TEX15: variants seen among roughly 807,000 people sequenced by gnomAD.
TEX15 encodes testis expressed 15, meiosis and synapsis associated, also known as testis-expressed protein 15.
Under a neutral mutation model 237.3 loss-of-function variants are expected in TEX15, and 171 were observed. The ratio of observed to expected loss-of-function variants is 0.72; its 90% CI spans 0.64 to 0.82. The LOEUF (loss-of-function observed/expected upper bound fraction) is 0.82, where lower values mean the gene tolerates loss of function less well. Among genes scored for constraint, TEX15 ranks in the 40% least tolerant of loss-of-function variants. The probability of loss-of-function intolerance (pLI) is 0.00; values close to 1 mark genes in which losing one functional copy is unlikely to be tolerated. For missense variants in TEX15, 3,750 were observed against 3,646.5 expected (o/e 1.03, Z -0.73); for synonymous variants, 1,338 against 1,269.8 (o/e 1.05, Z -1.14).
intron 1 of TEX15, among the ~76,000 whole-genome samples, chr8:30,905,313 C>CA (rs2128779785): frequency 6.6e-6 from 1 of 151,528 alleles, no homozygotes; most frequent in South Asian, 2.1e-4. Context: ...ATTGAGTCCC[C>CA]AGGAGAAATA....
At position 30,844,952 on chromosome 8, in the gene TEX15, T is replaced by G. The variant is rs1199059276; in HGVS notation, c.5215A>C (p.Lys1739Gln). 6.2e-7 allele frequency: 1 copy of G among 1,613,470 alleles called. No homozygotes were observed. The highest frequency in any genetic ancestry group is 1.7e-5 in the Admixed American group (1 of 59,976). ...GAATCTACAGTAAGAATTCTCTGCT[T>G]ATCCAAGTAAGATTTTGAAGATTCT... is the stretch of plus-strand genomic sequence containing the variant. ...EGESSKSYLD[K>Q]QRILTVDSFA... Residue 1739 changes from lysine to glutamine, a missense_variant, in exon 8 of 11, where the codon AAG becomes CAG. Physicochemically the swap from Lys to Gln is moderately conservative, Grantham distance 53 (BLOSUM62 1). Transcript: ENST00000643185.
intron 1 of TEX15, among the ~76,000 whole-genome samples, chr8:30,901,489 A>C (rs1326389641): frequency 6.6e-6 from 1 of 152,230 alleles, no homozygotes; most frequent in East Asian, 1.9e-4. Flanking sequence ...CCAAGTGACA[A>C]GGAGTCAAGT....
At position 30,842,708 on chromosome 8, in the gene TEX15, G is replaced by T; in HGVS notation, c.7459C>A (p.Gln2487Lys). 6.2e-7 allele frequency: 1 copy of T among 1,613,298 alleles called. No homozygotes were observed. Among genetic ancestry groups the T allele is most frequent in the African/African-American group, 1.3e-5 (1 of 75,040 alleles). The change falls in exon 8 of 11, where the codon CAG becomes AAG. Residue 2487 changes from glutamine (Q) to lysine (K), a missense_variant. Gln to Lys is a moderately conservative substitution (Grantham distance 53, BLOSUM62 1). Transcript: ENST00000643185. ...AAAGAAGCCATTTTTTCTTGGCACT[G>T]AACCAGCTCAGGAAGAAGTGACAAA... The part of the protein sequence containing the change: ...FDLSLLPELV[Q>K]CQEKMASFSF...
intron 1 of TEX15, 68 bp downstream of exon 1, chr8:30,912,811 T>G (rs1224632113): frequency 6.6e-6 from 1 of 152,264 alleles, no homozygotes; most frequent in Non-Finnish European, 1.5e-5. Flanking sequence ...CACTCCTTAA[T>G]TTTAATTTAC....
At chr8:30,894,385 ATTT>A (rs1201221347) in intron 2 of TEX15, among the ~76,000 whole-genome samples, 2 of 152,106 alleles carry the variant, frequency 1.3e-5, no homozygotes, top group Non-Finnish European at 2.9e-5. Flanking sequence ...CAATTCTCCT[ATTT>A]TTGTGTGTGT....
In TEX15 at chr8:30,897,824, C is replaced by T. The variant is rs139491686; in HGVS notation, c.-10+918G>A. 6.6e-4 allele frequency among the ~76,000 whole-genome samples: 100 copies of T among 152,164 alleles called. 1 individual carries two copies. In the East Asian group the frequency reaches 0.018, roughly 28 times the overall value. ...TGCAAGCACATGCCACCTCACCAGA[C>T]TAATTTTTTATTTTATTTTTTGAGA... On this transcript the variant is annotated intron_variant, in intron 2 of 10. Transcript: ENST00000643185.
At chr8:30,901,366 C>T (rs117440775) in intron 1 of TEX15, among the ~76,000 whole-genome samples, 3,189 of 152,186 alleles carry the variant, frequency 0.021, 50 homozygotes, top group Non-Finnish European at 0.033. Context: ...CTTAAAACCA[C>T]TTGTTTAGCA....
At position 30,833,130 on chromosome 8, in the gene TEX15, G is replaced by A. The variant is rs2128765391; in HGVS notation, c.*156C>T. The A allele has an allele frequency of 1.7e-6, 1 of 574,374 alleles. No homozygotes were observed. Among genetic ancestry groups the A allele is most frequent in the South Asian group, 2.6e-5 (1 of 38,590 alleles). The allele number at this position is 574,374 out of a possible 1,614,324, so 35.6% of individuals were successfully genotyped here. On this transcript the variant is annotated 3_prime_UTR_variant, in exon 11 of 11. Transcript: ENST00000643185. ...TAGAAATTGATGTCCTATATGATATGTGTTAGATTATTTGTATATTTTACA... is the reference window on the plus strand; with the variant it reads ...TAGAAATTGATGTCCTATATGATATATGTTAGATTATTTGTATATTTTACA...
In TEX15 at chr8:30,847,411, G is replaced by T. The variant is rs1254746002; in HGVS notation, c.2756C>A (p.Ser919Tyr). 2 of 1,612,214 alleles carry T rather than the reference G, an allele frequency of 1.2e-6. No homozygotes were observed. The highest frequency in any genetic ancestry group is 1.7e-6 in the Non-Finnish European group (2 of 1,179,532). ...TCTGCAAATCAAGTTAAATTTAGTA[G>T]AAAATTCTTCAGAACTCAAAATTTC... ...NIEILSSEEF[S>Y]TKFNLICRED... is the part of the protein sequence containing the mutation. The change falls in exon 8 of 11, where the codon TCT becomes TAT. Residue 919 changes from serine to tyrosine, a missense_variant. Transcript: ENST00000643185.
chr8:30,876,200 A>C (rs564477934), intron 3 of TEX15, among the ~76,000 whole-genome samples: 1 of 152,298 alleles, frequency 6.6e-6, no homozygotes, highest in South Asian at 2.1e-4. Context: ...CAATCTCATC[A>C]GTTTTGAAAA....
chr8:30,889,417 ACTCCAGC>A (rs1808735458), intron 2 of TEX15, among the ~76,000 whole-genome samples: 1 of 152,082 alleles, frequency 6.6e-6, no homozygotes, highest in South Asian at 2.1e-4. Flanking sequence ...GCACCATTGC[ACTCCAGC>A]CTGGGAAACA....
At chr8:30,882,017 CCTT>C (rs1445877838) in intron 3 of TEX15, among the ~76,000 whole-genome samples, 2 of 152,168 alleles carry the variant, frequency 1.3e-5, no homozygotes, top group Non-Finnish European at 2.9e-5. Context: ...CTATGAACTT[CCTT>C]GTTAGCAATG....
At chr8:30,854,259 CAA>C (rs1159366706) in intron 7 of TEX15, among the ~76,000 whole-genome samples, 10 of 64,970 alleles carry the variant, frequency 1.5e-4, no homozygotes, top group Non-Finnish European at 1.7e-4. Flanking sequence ...CCTGACTGAC[CAA>C]AAAAAAAAAA....
At chr8:30,874,888 G>C (rs1283219931) in intron 4 of TEX15, 49 bp downstream of exon 4, 11 of 1,147,274 alleles carry the variant, frequency 9.6e-6, no homozygotes, top group African/African-American at 1.6e-5. Context: ...AAACTCCATA[G>C]TAACAAACAC....
chr8:30,855,438 T>A (rs1443456905), intron 7 of TEX15, among the ~76,000 whole-genome samples: 1 of 152,076 alleles, frequency 6.6e-6, no homozygotes, highest in African/African-American at 2.4e-5. Flanking sequence ...AATAAAAAAG[T>A]CAAATAAGTT....
chr8:30,870,516 G>A (rs1290584309), intron 4 of TEX15, among the ~76,000 whole-genome samples: 2 of 151,892 alleles, frequency 1.3e-5, no homozygotes, highest in Admixed American at 6.6e-5. Flanking sequence ...GTGGGGGGTC[G>A]CCTAAAGTAG....
chr8:30,874,978 C>A lies in TEX15; in HGVS notation c.261G>T (p.Leu87=), dbSNP rs929917. The change falls in exon 4 of 11, where the codon CTG becomes CTT. Residue 87 remains leucine (L), a synonymous_variant. Coordinates refer to ENST00000643185, the MANE Select transcript of TEX15 (RefSeq NM_001350162.2). ...QSLWQFGDTK[L]VHNEELEKNF... ...TTTTTTCCAGTTCCTCATTGTGAAC[C>A]AGTTTTGTATCCCCAAACTGCCATA... is the stretch of plus-strand genomic sequence containing the variant. The A allele has an allele frequency of 0.058, 79,029 of 1,369,114 alleles. 3,110 individuals are homozygous for A. The highest frequency in any genetic ancestry group is 0.22 in the Admixed American group (7,452 of 33,446). 84.8% of individuals were successfully genotyped at this position (1,369,114 alleles called of 1,614,324 possible). A position where few individuals can be genotyped will look rare whatever the true frequency, so the allele number is the denominator to read the frequency against.
intron 7 of TEX15, among the ~76,000 whole-genome samples, chr8:30,850,023 A>G (rs963131046): frequency 6.6e-6 from 1 of 152,090 alleles, no homozygotes; most frequent in Non-Finnish European, 1.5e-5. Flanking sequence ...ATGTACATAT[A>G]AGAAGGCAAA....
At position 30,837,910 on chromosome 8, in the gene TEX15, C is replaced by A. The variant is rs1337970219; in HGVS notation, c.8374G>T (p.Ala2792Ser). 1.2e-6 allele frequency: 2 copies of A among 1,614,006 alleles called. No homozygotes were observed. Among genetic ancestry groups the A allele is most frequent in the Admixed American group, 1.7e-5 (1 of 59,996 alleles). ...TCTATTTTGCTTTCCGACTTTGATGCGCAAGTGTCTTTTGGGTTCTCTAAG... is the reference window on the plus strand; with the variant it reads ...TCTATTTTGCTTTCCGACTTTGATGAGCAAGTGTCTTTTGGGTTCTCTAAG... ...LPLENPKDTC[A>S]SKSESKIDLT... Residue 2792 changes from alanine to serine, a missense_variant, in exon 10 of 11, where the codon GCA becomes TCA. Ala to Ser is a moderately conservative substitution (Grantham distance 99, BLOSUM62 1). Transcript: ENST00000643185.
Sources: allele counts gnomAD v4.1 joint callset (sites outside exome capture counted in the v4.1 genomes callset), GRCh38; gene constraint gnomAD v4.1.1; transcripts MANE v1.5; gene names NCBI Gene and HGNC (gene_info 2026-07-23, HGNC 2026-07-21).